CLEC16A: variants seen among roughly 807,000 people sequenced by gnomAD.
CLEC16A encodes protein CLEC16A.
A neutral mutation model predicts 109.5 loss-of-function variants in CLEC16A; 51 were observed. The observed-to-expected ratio is 0.47, with a 90% CI of 0.37 to 0.59. The LOEUF (loss-of-function observed/expected upper bound fraction) is 0.59. Ranked by LOEUF, CLEC16A falls within the 20% of genes least tolerant of loss-of-function variation. The probability of loss-of-function intolerance (pLI) is 0.00; values close to 1 mark genes in which losing one functional copy is unlikely to be tolerated. For synonymous variants in CLEC16A, 673 were observed against 564.2 expected (o/e 1.19, Z -2.73); for missense variants, 1,339 against 1,394.0 (o/e 0.96, Z 0.63).
chr16:11,086,809 T>G (rs2050036562), intron 19 of CLEC16A, among the ~76,000 whole-genome samples: 1 of 152,180 alleles, frequency 6.6e-6, no homozygotes, highest in Non-Finnish European at 1.5e-5. Flanking sequence ...TTATGCCCAG[T>G]TCCTGCCTTT....
intron 22 of CLEC16A, among the ~76,000 whole-genome samples, chr16:11,152,368 C>T (rs956857516): frequency 6.6e-6 from 1 of 152,200 alleles, no homozygotes; most frequent in Admixed American, 6.5e-5. Flanking sequence ...AGATGGTCCT[C>T]CTGCTACCCT....
chr16:11,134,475 C>G (rs1274506417), intron 22 of CLEC16A, among the ~76,000 whole-genome samples: 1 of 152,156 alleles, frequency 6.6e-6, no homozygotes, highest in African/African-American at 2.4e-5. Context: ...ATGAGATAGG[C>G]TGAGATCTGT....
At chr16:11,122,167 G>C (rs898821828) in intron 20 of CLEC16A, among the ~76,000 whole-genome samples, 1 of 152,170 alleles carries the variant, frequency 6.6e-6, no homozygotes, top group African/African-American at 2.4e-5. Context: ...TCTGTGTCCT[G>C]CTCTCTGCGA....
At chr16:10,962,615 C>G (rs1368286038) in intron 3 of CLEC16A, 27 bp downstream of exon 3, 2 of 1,609,894 alleles carry the variant, frequency 1.2e-6, no homozygotes, top group South Asian at 1.1e-5. Context: ...GTATTTGCCT[C>G]TGTGCTGCTG....
chr16:11,025,572 T>G (rs1317402252), intron 13 of CLEC16A, among the ~76,000 whole-genome samples: 1 of 152,170 alleles, frequency 6.6e-6, no homozygotes, highest in Non-Finnish European at 1.5e-5. Context: ...TCAGAATCTC[T>G]TCAAAGAAGA....
At chr16:11,091,595 G>A (rs140076528) in intron 19 of CLEC16A, among the ~76,000 whole-genome samples, 1 of 152,328 alleles carries the variant, frequency 6.6e-6, no homozygotes, top group Non-Finnish European at 1.5e-5. Context: ...TGGGTACTCC[G>A]CAGAGTCTGA....
At chr16:11,044,812 G>A (rs1597181974) in intron 16 of CLEC16A, among the ~76,000 whole-genome samples, 1 of 151,712 alleles carries the variant, frequency 6.6e-6, no homozygotes. Flanking sequence ...TGTAATTGCA[G>A]CTACTCGGGA....
chr16:11,082,999 A>G (rs1056871393), intron 19 of CLEC16A, among the ~76,000 whole-genome samples: 2 of 152,294 alleles, frequency 1.3e-5, no homozygotes, highest in Admixed American at 6.5e-5. Flanking sequence ...CCCTGCAACA[A>G]CACTGACCCC....
chr16:11,039,332 T>G (rs549602076), intron 13 of CLEC16A, among the ~76,000 whole-genome samples: 10 of 152,330 alleles, frequency 6.6e-5, no homozygotes, highest in African/African-American at 2.4e-4. Flanking sequence ...TTTAAAATAT[T>G]ATTACTGGCA....
At position 10,979,280 on chromosome 16, in the gene CLEC16A, C is replaced by G. The variant is rs200196466; in HGVS notation, c.904-49C>G. The G allele has an allele frequency of 5.6e-5, 88 of 1,559,540 alleles. No individual in the cohort carries two copies. The East Asian group carries it at 2.0e-3, about 35-fold the overall frequency. ...TTGGCTTTGTGTATTTTGTGCTGCT[C>G]GCTTGTGTGACCTGATCTCTCTCTC... is the stretch of plus-strand genomic sequence containing the variant. On this transcript the variant is annotated intron_variant, in intron 8 of 23. Transcript: ENST00000409790.
At chr16:11,131,254 G>C (rs1341968281) in intron 22 of CLEC16A, among the ~76,000 whole-genome samples, 1 of 152,216 alleles carries the variant, frequency 6.6e-6, no homozygotes, top group Admixed American at 6.5e-5. Flanking sequence ...TCATGGACCT[G>C]GCCCATGGCA....
intron 11 of CLEC16A, among the ~76,000 whole-genome samples, chr16:11,009,598 G>A (rs1441281363): frequency 1.3e-5 from 2 of 152,150 alleles, no homozygotes; most frequent in Non-Finnish European, 2.9e-5. Context: ...GTGTGATGGC[G>A]CCGTACCACC....
intron 22 of CLEC16A, among the ~76,000 whole-genome samples, chr16:11,149,079 GA>G (rs2054188625): frequency 6.6e-6 from 1 of 152,254 alleles, no homozygotes; most frequent in Non-Finnish European, 1.5e-5. Flanking sequence ...GAGAAAGAGA[GA>G]TGGTGAATCA....
At chr16:11,153,469 A>C (rs553746717) in intron 22 of CLEC16A, among the ~76,000 whole-genome samples, 9 of 151,982 alleles carry the variant, frequency 5.9e-5, no homozygotes, top group Admixed American at 5.9e-4. Flanking sequence ...CTCATATTTT[A>C]ACATAAATGT....
chr16:11,028,497 A>G (rs1237174541), intron 13 of CLEC16A, among the ~76,000 whole-genome samples: 1 of 151,988 alleles, frequency 6.6e-6, no homozygotes, highest in Admixed American at 6.6e-5. Flanking sequence ...TGAAATACAC[A>G]TAGGAAGAAA....
intron 19 of CLEC16A, among the ~76,000 whole-genome samples, chr16:11,095,907 C>T (rs2050585240): frequency 6.6e-6 from 1 of 151,898 alleles, no homozygotes; most frequent in African/African-American, 2.4e-5. Context: ...AGTTAATGGA[C>T]TCAAACTCCT....
At chr16:11,144,213 C>A (rs1459016108) in intron 22 of CLEC16A, among the ~76,000 whole-genome samples, 6 of 152,192 alleles carry the variant, frequency 3.9e-5, no homozygotes. Flanking sequence ...ATGAGCAAAT[C>A]ATGCTATCCC....
intron 23 of CLEC16A, among the ~76,000 whole-genome samples, chr16:11,172,236 A>G (rs576430248): frequency 2.1e-4 from 32 of 151,822 alleles, no homozygotes; most frequent in African/African-American, 7.1e-4. Flanking sequence ...GCACACACTC[A>G]TACAGTCACA....
At chr16:10,986,164 G>C (rs1448087079) in intron 10 of CLEC16A, among the ~76,000 whole-genome samples, 2 of 151,464 alleles carry the variant, frequency 1.3e-5, no homozygotes, top group African/African-American at 4.9e-5. Context: ...CCAAGTAGCT[G>C]GGACTACAGG....
Sources: gnomAD v4.1 joint callset for allele counts (sites outside exome capture counted in the v4.1 genomes callset) on GRCh38, gnomAD v4.1.1 for gene constraint, MANE v1.5 for transcripts, NCBI Gene and HGNC (gene_info 2026-07-23, HGNC 2026-07-21) for gene names.